The following CNTLN variants were observed in gnomAD, a reference collection of about 807,000 sequenced individuals.
The protein encoded by CNTLN is centlein, centrosomal protein.
A neutral mutation model predicts 180.0 loss-of-function variants in CNTLN; 212 were observed. That is an observed-to-expected ratio of 1.18 (90% CI 1.05 to 1.32). CNTLN has a LOEUF of 1.32. Ranked by LOEUF, CNTLN falls within the 40% of genes most tolerant of loss-of-function variation. The probability of loss-of-function intolerance (pLI) is 0.00; values close to 1 mark genes in which losing one functional copy is unlikely to be tolerated. For synonymous variants in CNTLN, 722 were observed against 563.1 expected (o/e 1.28, Z -3.99); for missense variants, 2,095 against 1,610.9 (o/e 1.30, Z -5.14).
At chr9:17,244,605 C>T (rs1212210576) in intron 5 of CNTLN, among the ~76,000 whole-genome samples, 6 of 152,164 alleles carry the variant, frequency 3.9e-5, no homozygotes, top group African/African-American at 1.4e-4. Context: ...TTACCTTCCG[C>T]ATTATTAGTG....
chr9:17,354,765 G>A lies in CNTLN; in HGVS notation c.1887-11852G>A, dbSNP rs10963062. Among the ~76,000 whole-genome samples, 1,129 of 152,162 alleles carry A rather than the reference G, an allele frequency of 7.4e-3. 26 individuals carry two copies. The highest frequency in any genetic ancestry group is 0.05 in the East Asian group (259 of 5,140). On this transcript the variant is annotated intron_variant, in intron 12 of 25. Transcript: ENST00000380647. ...ATAAAAGCAGGCTGCCCGAGCCAGC[G>A]TTGGCAACCCGCTCCAGTCCCCTTC... is the stretch of plus-strand genomic sequence containing the variant.
chr9:17,519,288 C>G, the CNTLN span, among the ~76,000 whole-genome samples: 1 of 150,468 alleles, frequency 6.6e-6, no homozygotes. Flanking sequence ...CCCTTCCTCA[C>G]AAACACAGTA....
chr9:17,315,056 T>G (rs1288646449), intron 8 of CNTLN, among the ~76,000 whole-genome samples: 2 of 152,200 alleles, frequency 1.3e-5, no homozygotes, highest in Non-Finnish European at 2.9e-5. Context: ...TCAATTTCAT[T>G]TAGAATTTTT....
intron 14 of CNTLN, among the ~76,000 whole-genome samples, chr9:17,394,188 A>T (rs1030846988): frequency 3.3e-5 from 5 of 152,134 alleles, no homozygotes; most frequent in African/African-American, 1.2e-4. Context: ...ACTTTTAGAC[A>T]TTTGTGTATA....
intron 23 of CNTLN, among the ~76,000 whole-genome samples, chr9:17,473,885 A>G (rs1200156322): frequency 6.6e-6 from 1 of 152,162 alleles, no homozygotes; most frequent in African/African-American, 2.4e-5. Context: ...GGAGCATTTG[A>G]TATCGTTGAT....
rs779300467 is a variant in CNTLN at position 17,466,858 on chromosome 9, T to C, written c.3822T>C (p.Asn1274=). The C allele has an allele frequency of 2.5e-6, 4 of 1,609,762 alleles. No homozygotes were observed. The South Asian group carries it at 4.4e-5, about 18-fold the overall frequency. ...CACAGAAGACATTGCTGTTAGCCAATGAAAAAGTAGAAGAGTTCACCACAT... is the reference window on the plus strand; with the variant it reads ...CACAGAAGACATTGCTGTTAGCCAACGAAAAAGTAGAAGAGTTCACCACAT... The part of the protein sequence containing the change: ...EGAQKTLLLA[N]EKVEEFTTFV... Residue 1274 remains asparagine, a synonymous_variant, in exon 23 of 26, where the codon AAT becomes AAC. Coordinates refer to ENST00000380647, the MANE Select transcript of CNTLN (RefSeq NM_017738.4).
At chr9:17,146,089 G>C (rs1044332576) in intron 2 of CNTLN, among the ~76,000 whole-genome samples, 1 of 152,044 alleles carries the variant, frequency 6.6e-6, no homozygotes, top group Admixed American at 6.6e-5. Context: ...GTGCACTATT[G>C]TAAAATCTCA....
chr9:17,270,833 G>C (rs558202385), intron 5 of CNTLN, among the ~76,000 whole-genome samples: 1 of 151,130 alleles, frequency 6.6e-6, no homozygotes. Context: ...TTTAAATTTA[G>C]AATGTGTAAT....
intron 8 of CNTLN, among the ~76,000 whole-genome samples, chr9:17,319,065 A>C (rs1016565669): frequency 6.6e-6 from 1 of 152,250 alleles, no homozygotes; most frequent in African/African-American, 2.4e-5. Flanking sequence ...CTGTGGAAAG[A>C]AGCTTTTCAA....
intron 24 of CNTLN, among the ~76,000 whole-genome samples, chr9:17,485,672 A>G (rs1186627077): frequency 1.3e-5 from 2 of 152,008 alleles, no homozygotes; most frequent in Non-Finnish European, 1.5e-5. Flanking sequence ...TTTAAAACAC[A>G]CAGATTTAGC....
chr9:17,366,774 G>T, intron 13 of CNTLN, 57 bp downstream of exon 13: 2 of 969,478 alleles, frequency 2.1e-6, no homozygotes, highest in South Asian at 1.5e-5. Flanking sequence ...TGTAATTCTT[G>T]ATGTTTTAGT....
At chr9:17,329,340 A>G (rs1356373292) in intron 8 of CNTLN, among the ~76,000 whole-genome samples, 1 of 152,094 alleles carries the variant, frequency 6.6e-6, no homozygotes, top group Non-Finnish European at 1.5e-5. Context: ...GAGAAAAGAT[A>G]AAAAATAAAA....
chr9:17,469,775 C>CTTTCTCTGTCATGAA (rs1831955966), intron 23 of CNTLN, among the ~76,000 whole-genome samples: 2 of 151,652 alleles, frequency 1.3e-5, no homozygotes, highest in African/African-American at 4.8e-5. Context: ...TAACTCTGGG[C>CTTTCTCTGTCATGAA]CTTTCTCTGT....
At position 17,502,608 on chromosome 9, in the gene CNTLN, A is replaced by C; in HGVS notation, c.4177A>C (p.Lys1393Gln). The C allele has an allele frequency of 7.1e-7, 1 of 1,399,692 alleles. No individual in the cohort carries two copies. Among genetic ancestry groups the C allele is most frequent in the Non-Finnish European group, 9.8e-7 (1 of 1,020,972 alleles). 86.7% of individuals were successfully genotyped at this position (1,399,692 alleles called of 1,614,324 possible). A position where few individuals can be genotyped will look rare whatever the true frequency, so the allele number is the denominator to read the frequency against. ...ACTGGAAAAAATAAATGAAAAAAAG[A>C]AACTAGTTGAAGGATATTTCACAAT... ...AVLEKINEKKKLVEGYFTIMK... is the reference protein window; with the variant it reads ...AVLEKINEKKQLVEGYFTIMK... The change falls in exon 26 of 26, where the codon AAA becomes CAA. Residue 1393 changes from lysine (K) to glutamine (Q), a missense_variant. Transcript: ENST00000380647.
chr9:17,423,668 C>T (rs898473850), intron 18 of CNTLN, among the ~76,000 whole-genome samples: 28 of 152,116 alleles, frequency 1.8e-4, no homozygotes, highest in African/African-American at 6.8e-4. Flanking sequence ...TTCAGTACTG[C>T]AGGACACTTT....
chr9:17,487,363 T>G (rs1832946120), intron 25 of CNTLN, among the ~76,000 whole-genome samples: 1 of 152,134 alleles, frequency 6.6e-6, no homozygotes. Context: ...CCAGACCTCT[T>G]AGGAAAAGAG....
chr9:17,344,592 A>G (rs1331017956), intron 12 of CNTLN, among the ~76,000 whole-genome samples: 1 of 152,176 alleles, frequency 6.6e-6, no homozygotes, highest in Non-Finnish European at 1.5e-5. Context: ...TTACATGGAA[A>G]CATGTTTAGT....
chr9:17,216,416 C>T (rs1048127572), intron 2 of CNTLN, among the ~76,000 whole-genome samples: 1 of 152,078 alleles, frequency 6.6e-6, no homozygotes, highest in Non-Finnish European at 1.5e-5. Context: ...AATGAAAACT[C>T]AATTCTGGAA....
At chr9:17,407,196 A>G (rs1265475190) in intron 15 of CNTLN, among the ~76,000 whole-genome samples, 1 of 152,206 alleles carries the variant, frequency 6.6e-6, no homozygotes, top group African/African-American at 2.4e-5. Context: ...AGAAAAGTGT[A>G]GTTGTGACAT....
Sources: gnomAD v4.1 joint callset for allele counts (sites outside exome capture counted in the v4.1 genomes callset) on GRCh38, gnomAD v4.1.1 for gene constraint, MANE v1.5 for transcripts, NCBI Gene and HGNC (gene_info 2026-07-23, HGNC 2026-07-21) for gene names.